CREB5: variants seen among roughly 807,000 people sequenced by gnomAD.
CREB5 encodes cAMP responsive element binding protein 5, also known as cyclic AMP-responsive element-binding protein 5.
In CREB5, 19 loss-of-function variants were observed where a neutral mutation model predicts 57.1. The observed-to-expected ratio is 0.33, with a 90% CI of 0.23 to 0.49. CREB5 has a LOEUF of 0.49. Ranked by LOEUF, CREB5 falls within the 20% of genes least tolerant of loss-of-function variation. CREB5 has a pLI of 0.99. For synonymous variants in CREB5, 238 were observed against 238.3 expected (o/e 1.00, Z 0.01); for missense variants, 579 against 671.6 (o/e 0.86, Z 1.52).
chr7:28,669,597 AT>A (rs140171940), intron 5 of CREB5, among the ~76,000 whole-genome samples: 5,609 of 152,280 alleles, frequency 0.037, 357 homozygotes, highest in African/African-American at 0.13. Context: ...ATCGGAAGTT[AT>A]TTCAAAATAA....
chr7:28,634,943 T>C (rs1156350337), intron 5 of CREB5, among the ~76,000 whole-genome samples: 1 of 152,084 alleles, frequency 6.6e-6, no homozygotes, highest in African/African-American at 2.4e-5. Flanking sequence ...AACGAAAAAA[T>C]CCCAACAACA....
chr7:28,393,856 C>T (rs71539564), intron 1 of CREB5, among the ~76,000 whole-genome samples: 11,410 of 152,038 alleles, frequency 0.075, 473 homozygotes, highest in South Asian at 0.14. Flanking sequence ...AGGTGGATCA[C>T]CTGAGGTCAG....
chr7:28,371,072 C>T (rs1786696166), intron 1 of CREB5, among the ~76,000 whole-genome samples: 1 of 152,100 alleles, frequency 6.6e-6, no homozygotes, highest in Non-Finnish European at 1.5e-5. Context: ...CAGGAGACAG[C>T]AAGTAAGGAT....
intron 1 of CREB5, among the ~76,000 whole-genome samples, chr7:28,341,647 A>C (rs1785939418): frequency 6.6e-6 from 1 of 152,210 alleles, no homozygotes; most frequent in African/African-American, 2.4e-5. Context: ...TACTTAGTAC[A>C]GTGCTGGATG....
intron 1 of CREB5, among the ~76,000 whole-genome samples, chr7:28,402,710 C>T (rs1388246456): frequency 1.3e-5 from 2 of 152,128 alleles, no homozygotes; most frequent in Non-Finnish European, 2.9e-5. Context: ...AGGCCTAAAA[C>T]CATAAAAACC....
intron 5 of CREB5, among the ~76,000 whole-genome samples, chr7:28,659,311 G>A (rs139951012): frequency 2.0e-4 from 31 of 152,246 alleles, no homozygotes; most frequent in African/African-American, 6.5e-4. Context: ...TTTTTAGGAT[G>A]TTGGATATTT....
At chr7:28,748,624 G>T (rs890581051) in intron 7 of CREB5, among the ~76,000 whole-genome samples, 2 of 152,222 alleles carry the variant, frequency 1.3e-5, no homozygotes. Context: ...AGAGACTTCA[G>T]TATCTGTGGA....
intron 10 of CREB5, 33 bp from the exon 11 acceptor site, chr7:28,819,079 GTGTA>G (rs777215554): frequency 1.9e-6 from 3 of 1,599,282 alleles, no homozygotes; most frequent in South Asian, 2.3e-5. Context: ...ATTGGTGTGT[GTGTA>G]TGTGTGTGTG....
chr7:28,598,266 A>G (rs1444880074), intron 5 of CREB5, among the ~76,000 whole-genome samples: 2 of 152,110 alleles, frequency 1.3e-5, no homozygotes, highest in Non-Finnish European at 1.5e-5. Flanking sequence ...TGCTGCCACC[A>G]TGCAAGAAGT....
At chr7:28,306,568 T>TTTTTTTTTTTTTTTTTTTTGTTTG (rs1785191302) in intron 1 of CREB5, among the ~76,000 whole-genome samples, 1 of 132,714 alleles carries the variant, frequency 7.5e-6, no homozygotes, top group Non-Finnish European at 1.6e-5. Context: ...TTTTTTTTTT[T>TTTTTTTTTTTTTTTTTTTTGTTTG]TTTTTTTTTT....
intron 1 of CREB5, among the ~76,000 whole-genome samples, chr7:28,343,063 C>A (rs934344383): frequency 3.9e-5 from 6 of 152,094 alleles, no homozygotes; most frequent in Non-Finnish European, 7.4e-5. Flanking sequence ...GCCTCAGCCT[C>A]CCGAGTAGCT....
intron 5 of CREB5, among the ~76,000 whole-genome samples, chr7:28,592,696 C>G (rs368086331): frequency 6.6e-6 from 1 of 152,082 alleles, no homozygotes; most frequent in Non-Finnish European, 1.5e-5. Context: ...GTTCAAGTGC[C>G]GTGGCCTGTT....
At chr7:28,336,823 G>A (rs564547953) in intron 1 of CREB5, among the ~76,000 whole-genome samples, 68 of 150,806 alleles carry the variant, frequency 4.5e-4, no homozygotes, top group Admixed American at 1.5e-3. Context: ...TTTTTGATGC[G>A]TGCTTACAGC....
Position 28,723,198 on chromosome 7 carries a change from C to G in CREB5, c.592-1024C>G, listed in dbSNP as rs372574072. The stretch of plus-strand genomic sequence containing the variant: ...TGCATTGAAGAATCTATTCTTGTCC[C>G]CCTGAGGAAAGTCTAATTCTTTTCT... On this transcript the variant is annotated intron_variant, in intron 6 of 10. Coordinates refer to ENST00000357727, the MANE Select transcript of CREB5 (RefSeq NM_182898.4). Among the ~76,000 whole-genome samples the G allele has an allele frequency of 1.4e-3, 216 of 152,242 alleles. 1 individual carries two copies. Among genetic ancestry groups the G allele is most frequent in the African/African-American group, 5.1e-3 (211 of 41,522 alleles).
At chr7:28,553,673 C>T (rs1438448652) in intron 4 of CREB5, among the ~76,000 whole-genome samples, 1 of 152,182 alleles carries the variant, frequency 6.6e-6, no homozygotes, top group East Asian at 1.9e-4. Context: ...TGGTCTTAAT[C>T]GTACTAGGCA....
At position 28,373,960 on chromosome 7, in the gene CREB5, C is replaced by T. The variant is rs118102911; in HGVS notation, c.-25+74519C>T. On this transcript the variant is annotated intron_variant, in intron 1 of 9. Coordinates refer to the CREB5 transcript ENST00000396299. ...CTAGTTTTATAAACACTTTTATGCC[C>T]GGCAGGGACACACCAGTACCTTAAG... 2.0e-3 allele frequency among the ~76,000 whole-genome samples: 302 copies of T among 151,238 alleles called. 3 individuals are homozygous for T. The East Asian group carries it at 0.055, about 28-fold the overall frequency.
chr7:28,616,338 C>A (rs1242674820), intron 5 of CREB5, among the ~76,000 whole-genome samples: 1 of 152,156 alleles, frequency 6.6e-6, no homozygotes, highest in Non-Finnish European at 1.5e-5. Flanking sequence ...GTCATTCATT[C>A]TTTGTTTATT....
chr7:28,673,818 C>A (rs775578587), intron 5 of CREB5, among the ~76,000 whole-genome samples: 30 of 151,902 alleles, frequency 2.0e-4, no homozygotes, highest in Middle Eastern at 3.4e-3. Flanking sequence ...AGACTACAGG[C>A]GTACACCACC....
rs562381806 is a variant in CREB5 at position 28,337,060 on chromosome 7, C to A, written c.-25+37619C>A. The stretch of plus-strand genomic sequence containing the variant: ...TATTCCATTGTGGTCAGAGAAGATA[C>A]TTGATATTATTTCAATATTTTGAAC... On this transcript the variant is annotated intron_variant, in intron 1 of 9. Coordinates refer to the CREB5 transcript ENST00000396299. 2.0e-5 allele frequency among the ~76,000 whole-genome samples: 3 copies of A among 152,094 alleles called. No homozygotes were observed. In the South Asian group the frequency reaches 6.2e-4, roughly 32 times the overall value.
Sources: allele counts gnomAD v4.1 joint callset (sites outside exome capture counted in the v4.1 genomes callset), GRCh38; gene constraint gnomAD v4.1.1; transcripts MANE v1.5; gene names NCBI Gene and HGNC (gene_info 2026-07-23, HGNC 2026-07-21).